The following ANO2 variants were observed in gnomAD, a reference collection of about 807,000 sequenced individuals.
The protein encoded by ANO2 is anoctamin-2.
ANO2 carries 101 observed loss-of-function variants against 124.2 expected under a neutral mutation model. The ratio of observed to expected loss-of-function variants is 0.81; its 90% CI spans 0.69 to 0.96. ANO2 has a LOEUF of 0.96. Ranked by LOEUF, ANO2 falls within the 40% of genes least tolerant of loss-of-function variation. ANO2 has a pLI of 0.00. For missense variants in ANO2, 1,293 were observed against 1,274.5 expected (o/e 1.01, Z -0.22); for synonymous variants, 486 against 482.5 (o/e 1.01, Z -0.09).
At chr12:5,676,406 T>C (rs1056435516) in intron 14 of ANO2, among the ~76,000 whole-genome samples, 3 of 152,152 alleles carry the variant, frequency 2.0e-5, no homozygotes, top group African/African-American at 7.2e-5. Context: ...CCAGGCTAAG[T>C]ATGGCTCCCT....
chr12:5,847,268 C>G (rs1445171630), intron 4 of ANO2, among the ~76,000 whole-genome samples: 1 of 152,200 alleles, frequency 6.6e-6, no homozygotes, highest in Non-Finnish European at 1.5e-5. Flanking sequence ...TGAACTGAAA[C>G]ATCAGTTCTT....
At chr12:5,602,409 C>T (rs1046814068) in intron 19 of ANO2, among the ~76,000 whole-genome samples, 2 of 152,004 alleles carry the variant, frequency 1.3e-5, no homozygotes, top group African/African-American at 4.8e-5. Context: ...CACCACCAGG[C>T]CCAGCTAATA....
intron 14 of ANO2, among the ~76,000 whole-genome samples, chr12:5,657,634 G>T (rs901170225): frequency 6.6e-6 from 1 of 152,084 alleles, no homozygotes; most frequent in African/African-American, 2.4e-5. Context: ...CCTGGGCTCA[G>T]GGAGGAGGTA....
Position 5,815,151 on chromosome 12 carries a change from C to T in ANO2, c.893-7783G>A, listed in dbSNP as rs185320745. On this transcript the variant is annotated intron_variant, in intron 7 of 24. Coordinates refer to ENST00000682330, the MANE Select transcript of ANO2 (RefSeq NM_001364791.2). ...AAATGAGCAGCTAAAATAGATCTCA[C>T]AAAACCTACTTTCTAATGCGATGTC... is the stretch of plus-strand genomic sequence containing the variant. Among the ~76,000 whole-genome samples the T allele has an allele frequency of 2.8e-4, 42 of 152,316 alleles. 1 individual carries two copies. The East Asian group carries it at 5.8e-3, about 21-fold the overall frequency.
chr12:5,722,277 C>T (rs893184599), intron 14 of ANO2, among the ~76,000 whole-genome samples: 7 of 152,174 alleles, frequency 4.6e-5, no homozygotes, highest in African/African-American at 1.7e-4. Context: ...GAGGCTGAGA[C>T]GGGTGGATCA....
At chr12:5,883,010 C>A (rs1160266765) in intron 3 of ANO2, among the ~76,000 whole-genome samples, 1 of 152,154 alleles carries the variant, frequency 6.6e-6, no homozygotes, top group African/African-American at 2.4e-5. Context: ...GGCTTCCCTG[C>A]CAGGGTTCCA....
chr12:5,722,133 T>G (rs1341976733), intron 14 of ANO2, among the ~76,000 whole-genome samples: 1 of 152,234 alleles, frequency 6.6e-6, no homozygotes. Context: ...TCATGCTTCC[T>G]GTTCCACAAT....
chr12:5,853,718 G>T (rs1455523003), intron 4 of ANO2, among the ~76,000 whole-genome samples: 2 of 152,130 alleles, frequency 1.3e-5, no homozygotes, highest in African/African-American at 4.8e-5. Flanking sequence ...CACTAAAGAA[G>T]TGTCTGGCTG....
At chr12:5,583,883 C>A in intron 20 of ANO2, 1 of 203,472 alleles carries the variant, frequency 4.9e-6, no homozygotes, top group East Asian at 1.3e-4. Flanking sequence ...ATGGCATTCC[C>A]ATCAAGAGCA....
intron 14 of ANO2, among the ~76,000 whole-genome samples, chr12:5,722,022 T>A (rs1950253694): frequency 6.6e-6 from 1 of 152,324 alleles, no homozygotes; most frequent in African/African-American, 2.4e-5. Flanking sequence ...ACAATAATAA[T>A]TTATTTCATT....
intron 20 of ANO2, among the ~76,000 whole-genome samples, chr12:5,594,341 C>T (rs1008335947): frequency 2.6e-5 from 4 of 152,140 alleles, no homozygotes; most frequent in Non-Finnish European, 5.9e-5. Flanking sequence ...TCCTCCTGAG[C>T]CTTACTATCC....
At chr12:5,680,653 A>G (rs1178096571) in intron 14 of ANO2, among the ~76,000 whole-genome samples, 1 of 152,200 alleles carries the variant, frequency 6.6e-6, no homozygotes, top group Non-Finnish European at 1.5e-5. Context: ...ACATCCCTAG[A>G]AGTATTCAAA....
chr12:5,658,113 A>G lies in ANO2; in HGVS notation c.1546-10312T>C, dbSNP rs1249536359. 6.6e-6 allele frequency among the ~76,000 whole-genome samples: 1 copy of G among 152,006 alleles called. No homozygotes were observed. The highest frequency in any genetic ancestry group is 1.5e-5 in the Non-Finnish European group (1 of 67,990). The stretch of plus-strand genomic sequence containing the variant: ...CTTCCTTGCTGGAGGGCATCTCACC[A>G]TGTCCTGGGAATACTGCAGTATGGT... On this transcript the variant is annotated intron_variant, in intron 14 of 24. Transcript: ENST00000682330. This position sits in a 1 kb window ranked among gnomAD's most constrained non-coding sequence, Gnocchi z 4.3.
chr12:5,645,523 T>C (rs893948733), intron 15 of ANO2, among the ~76,000 whole-genome samples: 9 of 152,212 alleles, frequency 5.9e-5, no homozygotes, highest in Non-Finnish European at 1.0e-4. Context: ...AATTTCTATA[T>C]ATATTTATTT....
At chr12:5,722,707 G>A (rs1019256394) in intron 14 of ANO2, among the ~76,000 whole-genome samples, 2 of 152,048 alleles carry the variant, frequency 1.3e-5, no homozygotes, top group African/African-American at 4.8e-5. Context: ...GAAATCATTT[G>A]TCCATGACTT....
At chr12:5,927,719 A>G (rs1942148802) in intron 1 of ANO2, among the ~76,000 whole-genome samples, 1 of 152,252 alleles carries the variant, frequency 6.6e-6, no homozygotes, top group Non-Finnish European at 1.5e-5. Flanking sequence ...GGTTCTGCAG[A>G]AGGCATAAGC....
At chr12:5,585,173 G>T (rs1190903659) in intron 20 of ANO2, among the ~76,000 whole-genome samples, 1 of 151,878 alleles carries the variant, frequency 6.6e-6, no homozygotes, top group Non-Finnish European at 1.5e-5. Flanking sequence ...ACAAGTAGAA[G>T]ACGCATAAGA....
intron 10 of ANO2, among the ~76,000 whole-genome samples, chr12:5,780,247 A>C (rs1952349916): frequency 6.6e-6 from 1 of 152,178 alleles, no homozygotes; most frequent in South Asian, 2.1e-4. Context: ...CAGAAGAGTA[A>C]ATGTGGCAGA....
Position 5,852,848 on chromosome 12 carries a change from CGTGTGTGTGTGTGT to C in ANO2, c.633+1181_633+1194del, listed in dbSNP as rs71445682. On this transcript the variant is annotated intron_variant, in intron 4 of 24. Transcript: ENST00000682330. ...TATACAACTACACTATGGAAAGGGACGTGTGTGTGTGTGTGTGTGTGTGTGTGTGTGTGTGTGTG... is the reference window on the plus strand; with the variant it reads ...TATACAACTACACTATGGAAAGGGACGTGTGTGTGTGTGTGTGTGTGTGTG... Among the ~76,000 whole-genome samples the C allele has an allele frequency of 9.8e-4, 121 of 123,960 alleles. 1 individual carries two copies. Among genetic ancestry groups the C allele is most frequent in the African/African-American group, 2.9e-3 (93 of 32,412 alleles). 81.3% of individuals were successfully genotyped at this position (123,960 alleles called of 152,430 possible).
Sources: allele counts gnomAD v4.1 joint callset (sites outside exome capture counted in the v4.1 genomes callset), GRCh38; gene constraint gnomAD v4.1.1; non-coding constraint Gnocchi (gnomAD v3.1); transcripts MANE v1.5; gene names NCBI Gene and HGNC (gene_info 2026-07-23, HGNC 2026-07-21).